TTBK1: variants seen among roughly 807,000 people sequenced by gnomAD.
The protein encoded by TTBK1 is tau-tubulin kinase 1.
TTBK1 carries 34 observed loss-of-function variants against 108.5 expected under a neutral mutation model. That is an observed-to-expected ratio of 0.31 (90% confidence interval 0.24 to 0.42). TTBK1 has a LOEUF of 0.42. Among genes scored for constraint, TTBK1 ranks in the 10% least tolerant of loss-of-function variants. The probability of loss-of-function intolerance (pLI) is 1.00; values close to 1 mark genes in which losing one functional copy is unlikely to be tolerated. For missense variants in TTBK1, 1,539 were observed against 1,826.0 expected (o/e 0.84, Z 2.86); for synonymous variants, 809 against 795.1 (o/e 1.02, Z -0.29).
intron 13 of TTBK1, among the ~76,000 whole-genome samples, chr6:43,281,375 CA>C (rs758326054): frequency 5.7e-3 from 432 of 76,182 alleles, no homozygotes; most frequent in Middle Eastern, 9.6e-3. Flanking sequence ...GGCTCCATAT[CA>C]AAAAAAAAAA....
Position 43,259,982 on chromosome 6 carries a change from G to A in TTBK1, c.1424+276G>A, listed in dbSNP as rs1236437639. ...CAGGTGGGGCGCCTGGGCCCAGGAA[G>A]GGTGAGGGGCGAGTTGGTTGGTGGG... On this transcript the variant is annotated intron_variant, in intron 12 of 14. Transcript: ENST00000259750. This position sits in a 1 kb window ranked among gnomAD's most constrained non-coding sequence, Gnocchi z 6.7. Among the ~76,000 whole-genome samples the A allele has an allele frequency of 6.6e-6, 1 of 152,240 alleles. No homozygotes were observed. Among genetic ancestry groups the A allele is most frequent in the Non-Finnish European group, 1.5e-5 (1 of 68,044 alleles).
intron 10 of TTBK1, among the ~76,000 whole-genome samples, chr6:43,258,289 T>C (rs1777431548): frequency 6.6e-6 from 1 of 152,202 alleles, no homozygotes; most frequent in African/African-American, 2.4e-5. Context: ...CCTGAGGCCA[T>C]ACACCTGAAA....
chr6:43,284,975 T>G lies in TTBK1; in HGVS notation c.3573-8T>G, dbSNP rs1778319552. 6.6e-7 allele frequency: 1 copy of G among 1,511,830 alleles called. No individual in the cohort carries two copies. The highest frequency in any genetic ancestry group is 1.4e-5 in the African/African-American group (1 of 69,870). 93.7% of individuals were successfully genotyped at this position (1,511,830 alleles called of 1,614,324 possible). ...TCTTCTTTTCTCCTGCCTTCTGCTC[T>G]CAAGCAGGCTCCAGCTGCAGACGCC... On this transcript the variant is annotated splice_region_variant and splice_polypyrimidine_tract_variant and intron_variant, in intron 14 of 14. Coordinates refer to ENST00000259750, the MANE Select transcript of TTBK1 (RefSeq NM_032538.3).
At chr6:43,251,853 A>G (rs1777249487) in intron 2 of TTBK1, among the ~76,000 whole-genome samples, 2 of 152,194 alleles carry the variant, frequency 1.3e-5, no homozygotes, top group Admixed American at 6.5e-5. Context: ...GAACTTCGGC[A>G]GTGAGCATGG....
rs760201770 is a variant in TTBK1 at position 43,259,293 on chromosome 6, C to T, written c.1248+24C>T. On this transcript the variant is annotated intron_variant, in intron 11 of 14. Transcript: ENST00000259750. The surrounding 1 kb of genome is among the most constrained non-coding windows in gnomAD (Gnocchi z 6.7). Reference sequence around the variant, plus strand: ...AAGTAACTGCCGCCAGGGCGAAGGGCGTGGGTGGCCTTTTCTCTCACCCCC... The same window carrying T: ...AAGTAACTGCCGCCAGGGCGAAGGGTGTGGGTGGCCTTTTCTCTCACCCCC... 7.2e-6 allele frequency: 11 copies of T among 1,520,338 alleles called. No individual in the cohort carries two copies. The highest frequency in any genetic ancestry group is 2.1e-5 in the Admixed American group (1 of 47,860). The allele number at this position is 1,520,338 out of a possible 1,614,324, so 94.2% of individuals were successfully genotyped here.
chr6:43,271,099 C>A, intron 13 of TTBK1: 1 of 985,504 alleles, frequency 1.0e-6, no homozygotes, highest in Non-Finnish European at 1.2e-6. Flanking sequence ...TCCCTTTATT[C>A]ATCCTGCCCA....
At chr6:43,267,256 C>G (rs1024340005) in intron 13 of TTBK1, among the ~76,000 whole-genome samples, 1 of 151,980 alleles carries the variant, frequency 6.6e-6, no homozygotes, top group Non-Finnish European at 1.5e-5. Flanking sequence ...CTATTTTTTT[C>G]TTCTGTCTTT....
intron 12 of TTBK1, 34 bp from the exon 13 acceptor site, chr6:43,262,755 C>T: frequency 1.3e-6 from 2 of 1,496,626 alleles, no homozygotes; most frequent in Non-Finnish European, 1.8e-6. Flanking sequence ...CCAGTGGGGC[C>T]AGGTATTGAG....
rs549811093 is a variant in TTBK1, at chr6:43,261,719, G to A, written c.1425-1070G>A. 2.4e-3 allele frequency among the ~76,000 whole-genome samples: 361 copies of A among 151,306 alleles called. 2 individuals carry two copies. Among genetic ancestry groups the A allele is most frequent in the African/African-American group, 8.1e-3 (334 of 41,136 alleles). ...AAGCGCAGCTACTCAGGAGGCTGAG[G>A]CAGGAGAATAGCTTGAACCTGGGGG... On this transcript the variant is annotated intron_variant, in intron 12 of 14. Coordinates refer to ENST00000259750, the MANE Select transcript of TTBK1 (RefSeq NM_032538.3).
At position 43,259,065 on chromosome 6, in the gene TTBK1, G is replaced by A. The variant is rs149663965; in HGVS notation, c.1044G>A (p.Gly348=). The change falls in exon 11 of 15, where the codon GGG becomes GGA. Residue 348 remains glycine, a synonymous_variant. Transcript: ENST00000259750. This position sits in a 1 kb window ranked among gnomAD's most constrained non-coding sequence, Gnocchi z 6.7. ...FGVVNVTPVP[G]DLLRENTEDV... is the part of the protein sequence containing the mutation. The stretch of plus-strand genomic sequence containing the variant: ...TGGTCAATGTGACGCCAGTGCCTGG[G>A]GACCTGCTCCGGGAGAACACCGAGG... 5 of 1,613,476 alleles carry A rather than the reference G, an allele frequency of 3.1e-6. No individual in the cohort carries two copies. The highest frequency in any genetic ancestry group is 4.2e-6 in the Non-Finnish European group (5 of 1,179,702).
Position 43,259,382 on chromosome 6 carries a change from C to A in TTBK1, c.1248+113C>A. The A allele has an allele frequency of 8.0e-7, 1 of 1,250,096 alleles. No individual in the cohort carries two copies. The highest frequency in any genetic ancestry group is 1.1e-6 in the Non-Finnish European group (1 of 914,104). The allele number at this position is 1,250,096 out of a possible 1,614,324, so 77.4% of individuals were successfully genotyped here. A position where few individuals can be genotyped will look rare whatever the true frequency, so the allele number is the denominator to read the frequency against. On this transcript the variant is annotated intron_variant, in intron 11 of 14. Transcript: ENST00000259750. This position sits in a 1 kb window ranked among gnomAD's most constrained non-coding sequence, Gnocchi z 6.7. ...CACCCTGTCCCCGGCCATCTGCCTG[C>A]TTGCCCTGCCTCTGTTTCCCGGTCC...
At chr6:43,246,809 G>A (rs369227262) in intron 2 of TTBK1, 41 bp downstream of exon 2, 75 of 1,523,092 alleles carry the variant, frequency 4.9e-5, no homozygotes, top group Non-Finnish European at 6.2e-5. Flanking sequence ...GGGTAGCGGG[G>A]AGGGAGGCGA....
rs1224849504 is a variant in TTBK1, at chr6:43,253,334, G to A, written c.300G>A (p.Glu100=). 1.2e-6 allele frequency: 2 copies of A among 1,614,026 alleles called. No individual in the cohort carries two copies. Among genetic ancestry groups the A allele is most frequent in the Non-Finnish European group, 1.7e-6 (2 of 1,180,020 alleles). ...GGTTCATTGGCTGTGGCAGGAACGA[G>A]AAGTTTAACTATGTAGTGATGCAGC... The part of the protein sequence containing the change: ...VCRFIGCGRN[E]KFNYVVMQLQ... The change falls in exon 4 of 15, where the codon GAG becomes GAA. Residue 100 remains glutamate, a synonymous_variant. Transcript: ENST00000259750. This position sits in a 1 kb window ranked among gnomAD's most constrained non-coding sequence, Gnocchi z 5.8.
intron 12 of TTBK1, among the ~76,000 whole-genome samples, chr6:43,262,011 G>GCAGGCTACCTGCCCAAGGTGA (rs1425913335): frequency 1.3e-5 from 2 of 152,138 alleles, no homozygotes; most frequent in African/African-American, 4.8e-5. Flanking sequence ...GATGGGAAAG[G>GCAGGCTACCTGCCCAAGGTGA]CAGGCTACCT....
chr6:43,283,910 C>T lies in TTBK1; in HGVS notation c.3170C>T (p.Pro1057Leu), dbSNP rs1470762485. The change falls in exon 14 of 15, where the codon CCT (proline) becomes CTT (leucine). Residue 1057 changes from proline (P) to leucine (L), a missense_variant. Around this residue, in one of 5 missense-constraint regions of TTBK1, gnomAD observed 1,055 missense variants for 1,086.5 expected, o/e 0.97. Coordinates refer to ENST00000259750, the MANE Select transcript of TTBK1 (RefSeq NM_032538.3). The surrounding 1 kb of genome is among the most constrained non-coding windows in gnomAD (Gnocchi z 8.1). Reference protein sequence around the residue: ...MPGSRPRSRIPVLLSEEDTGS... With the variant: ...MPGSRPRSRILVLLSEEDTGS... ...GGCTCTCGCCCCAGGAGCCGTATCC[C>T]TGTCCTGCTCTCTGAGGAGGACACG... The T allele has an allele frequency of 6.2e-7, 1 of 1,612,990 alleles. No homozygotes were observed. Among genetic ancestry groups the T allele is most frequent in the Non-Finnish European group, 8.5e-7 (1 of 1,179,348 alleles).
chr6:43,283,341 T>C lies in TTBK1; in HGVS notation c.2601T>C (p.Pro867=), dbSNP rs758616230. ...TGGGCACCCTGGCTGCCCTCACTCC[T>C]CAGCATGAGCGGCCCCAGCCCACGG... ...PDLGTLAALT[P]QHERPQPTGS... is the part of the protein sequence containing the mutation. The change falls in exon 14 of 15, where the codon CCT becomes CCC. Residue 867 remains proline (P), a synonymous_variant. Transcript: ENST00000259750. This position sits in a 1 kb window ranked among gnomAD's most constrained non-coding sequence, Gnocchi z 8.1. 1 of 1,590,464 alleles carries C rather than the reference T, an allele frequency of 6.3e-7. No homozygotes were observed. Among genetic ancestry groups the C allele is most frequent in the South Asian group, 1.1e-5 (1 of 88,092 alleles).
At chr6:43,246,474 C>T (rs1777088654) in intron 1 of TTBK1, 133 bp from the exon 2 acceptor site, 1 of 510,098 alleles carries the variant, frequency 2.0e-6, no homozygotes, top group Non-Finnish European at 3.5e-6. Context: ...AATCTTTCCC[C>T]TGGTAACTCC....
At chr6:43,275,216 C>T (rs1473689391) in intron 13 of TTBK1, among the ~76,000 whole-genome samples, 1 of 152,128 alleles carries the variant, frequency 6.6e-6, no homozygotes, top group Non-Finnish European at 1.5e-5. Flanking sequence ...GTCCATCCGC[C>T]CGCCCCCGCG....
chr6:43,258,221 T>A (rs143662548), intron 10 of TTBK1, among the ~76,000 whole-genome samples: 2 of 152,332 alleles, frequency 1.3e-5, no homozygotes, highest in African/African-American at 4.8e-5. Flanking sequence ...CGAAATTACC[T>A]GAGCCCCACA....
Sources: allele counts gnomAD v4.1 joint callset (sites outside exome capture counted in the v4.1 genomes callset), GRCh38; gene constraint gnomAD v4.1.1; regional missense constraint gnomAD v4.1.1; non-coding constraint Gnocchi (gnomAD v3.1); transcripts MANE v1.5; gene names NCBI Gene and HGNC (gene_info 2026-07-23, HGNC 2026-07-21).